The following IQCB1 variants were observed in gnomAD, a reference collection of about 807,000 sequenced individuals.
The protein encoded by IQCB1 is IQ calmodulin-binding motif-containing protein 1.
In IQCB1, 56 loss-of-function variants were observed where a neutral mutation model predicts 84.4. The observed-to-expected ratio is 0.66, with a 90% CI of 0.54 to 0.83. IQCB1 has a LOEUF of 0.83. IQCB1 is among the 40% of genes least tolerant of loss of function. IQCB1 has a pLI of 0.00. For synonymous variants in IQCB1, 210 were observed against 234.8 expected, an observed-to-expected ratio of 0.89 and a Z score of 0.96; for missense variants, 629 against 682.1, an observed-to-expected ratio of 0.92 and a Z score of 0.87.
intron 11 of IQCB1, among the ~76,000 whole-genome samples, chr3:121,789,572 C>G (rs1369519108): frequency 1.3e-5 from 2 of 151,952 alleles, no homozygotes; most frequent in Admixed American, 1.3e-4. Context: ...AGTGAAGGAC[C>G]CTGGATTGAA....
chr3:121,827,821 A>G (rs1212080882), intron 4 of IQCB1, among the ~76,000 whole-genome samples: 1 of 152,116 alleles, frequency 6.6e-6, no homozygotes, highest in Non-Finnish European at 1.5e-5. Flanking sequence ...TAGTAAATAC[A>G]CACTTTCACT....
At chr3:121,802,753 A>G (rs1184521613) in intron 7 of IQCB1, among the ~76,000 whole-genome samples, 1 of 152,164 alleles carries the variant, frequency 6.6e-6, no homozygotes, top group African/African-American at 2.4e-5. Flanking sequence ...GCCGAGGTCA[A>G]TGATTTGAGA....
chr3:121,786,045 C>G (rs144657911), intron 12 of IQCB1, among the ~76,000 whole-genome samples: 2,075 of 148,636 alleles, frequency 0.014, 54 homozygotes, highest in African/African-American at 0.048. Context: ...GTGGTGCAAG[C>G]CTGTAGTCCC....
chr3:121,832,255 T>C (rs921077188), intron 2 of IQCB1, among the ~76,000 whole-genome samples: 13 of 152,166 alleles, frequency 8.5e-5, no homozygotes, highest in African/African-American at 3.1e-4. Flanking sequence ...CTCTTTTATA[T>C]TGGCTGTAAA....
chr3:121,782,965 G>A lies in IQCB1; in HGVS notation c.1279-1091C>T, dbSNP rs371246647. Among the ~76,000 whole-genome samples the A allele has an allele frequency of 2.5e-4, 38 of 152,238 alleles. No individual in the cohort carries two copies. In the East Asian group the frequency reaches 5.2e-3, roughly 21 times the overall value. ...GCTGGGATTACAGACGTGAGCCATCGCGTCCCACCTCTACAAATAACATTT... is the reference window on the plus strand; with the variant it reads ...GCTGGGATTACAGACGTGAGCCATCACGTCCCACCTCTACAAATAACATTT... On this transcript the variant is annotated intron_variant, in intron 12 of 14. Coordinates refer to ENST00000310864, the MANE Select transcript of IQCB1 (RefSeq NM_001023570.4).
At position 121,834,872 on chromosome 3, in the gene IQCB1, G is replaced by A. The variant is rs12490565; in HGVS notation, c.-102+94C>T. 0.27 allele frequency: 73,634 copies of A among 272,744 alleles called. 11,057 individuals carry two copies. The highest frequency in any genetic ancestry group is 0.45 in the Admixed American group (8,973 of 19,952). The allele number at this position is 272,744 out of a possible 1,614,324, so 16.9% of individuals were successfully genotyped here. On this transcript the variant is annotated intron_variant, in intron 1 of 14. Transcript: ENST00000310864. ...ATTCTCCCGTTAAGAGCTCTTACAAGCCGGCTGACTTCGTCCAGGAGCCTG... is the reference window on the plus strand; with the variant it reads ...ATTCTCCCGTTAAGAGCTCTTACAAACCGGCTGACTTCGTCCAGGAGCCTG...
At chr3:121,802,959 T>C (rs1949466665) in intron 7 of IQCB1, among the ~76,000 whole-genome samples, 1 of 152,230 alleles carries the variant, frequency 6.6e-6, no homozygotes, top group African/African-American at 2.4e-5. Context: ...TTCCCACATA[T>C]TTGGGGACTT....
In IQCB1 at chr3:121,797,488, TA is replaced by T. The variant is rs11288085; in HGVS notation, c.767-262del. Among the ~76,000 whole-genome samples the T allele has an allele frequency of 0.56, 74,479 of 133,588 alleles. 19,901 individuals carry two copies. The highest frequency in any genetic ancestry group is 0.61 in the Admixed American group (8,217 of 13,536). The allele number at this position is 133,588 out of a possible 152,430, so 87.6% of individuals were successfully genotyped here. A position where few individuals can be genotyped will look rare whatever the true frequency, so the allele number is the denominator to read the frequency against. On this transcript the variant is annotated intron_variant, in intron 8 of 14. Transcript: ENST00000310864. Reference sequence around the variant, plus strand: ...AAATCTGTCTAGACAATCTCTTTAATAAAAAAAAAAAAAAAGGAGTGGGATG... The same window carrying T: ...AAATCTGTCTAGACAATCTCTTTAATAAAAAAAAAAAAAAGGAGTGGGATG...
intron 5 of IQCB1, among the ~76,000 whole-genome samples, chr3:121,819,056 CTAGGG>C (rs570665875): frequency 6.6e-6 from 1 of 152,186 alleles, no homozygotes; most frequent in South Asian, 2.1e-4. Context: ...TCTCCATGAA[CTAGGG>C]GGTCAAGGGG....
At chr3:121,822,151 CT>C (rs1950296194) in intron 5 of IQCB1, among the ~76,000 whole-genome samples, 1 of 152,172 alleles carries the variant, frequency 6.6e-6, no homozygotes. Context: ...ATTCTAAGGC[CT>C]TTAAACTCAG....
chr3:121,786,215 G>GAGAAGAGAAGAGAAGAGAAGAGAAGAGAA (rs59609336), intron 12 of IQCB1, among the ~76,000 whole-genome samples: 8 of 147,188 alleles, frequency 5.4e-5, no homozygotes, highest in African/African-American at 1.8e-4. Flanking sequence ...GAAAAGAAAA[G>GAGAAGAGAAGAGAAGAGAAGAGAAGAGAA]GATGCTTTAA....
intron 10 of IQCB1, among the ~76,000 whole-genome samples, chr3:121,795,024 C>T (rs1949123143): frequency 6.6e-6 from 1 of 152,006 alleles, no homozygotes; most frequent in Non-Finnish European, 1.5e-5. Context: ...GAAATAAATG[C>T]CGAACTATAT....
intron 10 of IQCB1, among the ~76,000 whole-genome samples, chr3:121,793,447 T>A (rs1413168483): frequency 6.6e-6 from 1 of 152,054 alleles, no homozygotes; most frequent in Non-Finnish European, 1.5e-5. Flanking sequence ...AAGGGGAAAT[T>A]ACTGAGATAA....
chr3:121,830,947 A>G (rs903423489), intron 2 of IQCB1, among the ~76,000 whole-genome samples: 1 of 152,216 alleles, frequency 6.6e-6, no homozygotes, highest in African/African-American at 2.4e-5. Context: ...GTATCAGATC[A>G]TATCTTTTTT....
chr3:121,770,354 T>C lies in IQCB1; in HGVS notation c.1788A>G (p.Lys596=), dbSNP rs1400526223. The C allele has an allele frequency of 7.5e-6, 12 of 1,605,658 alleles. No individual in the cohort carries two copies. The South Asian group carries it at 1.3e-4, about 18-fold the overall frequency. ...ELENLFIGGT[K]PP ...TTCTTAGGGTTACTCACTAAGGTGG[T>C]TTGGTTCCACCAATGAATAAATTTT... Residue 596 remains lysine (K), a synonymous_variant, in exon 15 of 15, where the codon AAA becomes AAG. Transcript: ENST00000310864.
chr3:121,800,071 T>C (rs1949345099), intron 7 of IQCB1, among the ~76,000 whole-genome samples: 1 of 151,920 alleles, frequency 6.6e-6, no homozygotes, highest in Admixed American at 6.6e-5. Context: ...TAAAGATTCT[T>C]ATCTAAGAGC....
rs1388979724 is a variant in IQCB1 at position 121,835,053 on chromosome 3, C to G, written c.-189G>C. The G allele has an allele frequency of 1.2e-5, 7 of 576,148 alleles. No homozygotes were observed. In the Admixed American group the frequency reaches 1.5e-4, roughly 12 times the overall value. The allele number at this position is 576,148 out of a possible 1,614,324, so 35.7% of individuals were successfully genotyped here. ...CGCGGCCTTCCGGGGCAGCGTGCGT[C>G]GCGACGCGGGAAGGGGCCTGGAGGC... On this transcript the variant is annotated 5_prime_UTR_variant, in exon 1 of 15. Coordinates refer to ENST00000310864, the MANE Select transcript of IQCB1 (RefSeq NM_001023570.4).
intron 5 of IQCB1, among the ~76,000 whole-genome samples, chr3:121,824,430 C>T (rs1326069843): frequency 6.6e-6 from 1 of 151,864 alleles, no homozygotes; most frequent in African/African-American, 2.4e-5. Context: ...ATTTTTGAAC[C>T]ACTATTGGCC....
At chr3:121,821,792 T>A (rs1950284364) in intron 5 of IQCB1, among the ~76,000 whole-genome samples, 1 of 152,206 alleles carries the variant, frequency 6.6e-6, no homozygotes, top group South Asian at 2.1e-4. Flanking sequence ...ACAGACATGA[T>A]CCTGAAATAA....
Sources: gnomAD v4.1 joint callset for allele counts (sites outside exome capture counted in the v4.1 genomes callset) on GRCh38, gnomAD v4.1.1 for gene constraint, MANE v1.5 for transcripts, NCBI Gene and HGNC (gene_info 2026-07-23, HGNC 2026-07-21) for gene names.